Variants in BBS9 observed in about 807,000 individuals in gnomAD.
The protein encoded by BBS9 is protein PTHB1.
Under a neutral mutation model 117.7 loss-of-function variants are expected in BBS9, and 89 were observed. That is an observed-to-expected ratio of 0.76 (90% CI 0.64 to 0.90). BBS9 has a LOEUF of 0.90. BBS9 is among the 40% of genes least tolerant of loss of function. BBS9 has a pLI of 0.00. For synonymous variants in BBS9, 379 were observed against 370.9 expected (o/e 1.02, Z -0.25); for missense variants, 982 against 1,042.2 (o/e 0.94, Z 0.80).
At chr7:33,328,752 A>G (rs915541298) in intron 9 of BBS9, among the ~76,000 whole-genome samples, 11 of 152,178 alleles carry the variant, frequency 7.2e-5, no homozygotes, top group Non-Finnish European at 1.3e-4. Context: ...TTTTAAAACT[A>G]GTATTCTTTT....
intron 21 of BBS9, among the ~76,000 whole-genome samples, chr7:33,575,487 G>A (rs1858649664): frequency 6.6e-6 from 1 of 152,118 alleles, no homozygotes; most frequent in Non-Finnish European, 1.5e-5. Context: ...GTACAGAAAG[G>A]AGCTGTTACC....
chr7:33,504,148 GCA>G (rs1845830719), intron 19 of BBS9, among the ~76,000 whole-genome samples: 1 of 152,114 alleles, frequency 6.6e-6, no homozygotes, highest in African/African-American at 2.4e-5. Flanking sequence ...ACAGTACTAG[GCA>G]CATAGCAAGC....
intron 5 of BBS9, among the ~76,000 whole-genome samples, chr7:33,218,688 G>T (rs1318946434): frequency 6.6e-6 from 1 of 152,246 alleles, no homozygotes; most frequent in East Asian, 1.9e-4. Context: ...AGGAAGGAAA[G>T]AAACCAATAT....
intron 20 of BBS9, among the ~76,000 whole-genome samples, chr7:33,514,392 G>A (rs982264359): frequency 3.9e-5 from 6 of 152,114 alleles, no homozygotes; most frequent in African/African-American, 1.4e-4. Flanking sequence ...TGGTTCTTTA[G>A]TGCCTTTCTC....
At chr7:33,404,825 A>G (rs1434986322) in intron 19 of BBS9, among the ~76,000 whole-genome samples, 2 of 152,110 alleles carry the variant, frequency 1.3e-5, no homozygotes, top group South Asian at 2.1e-4. Flanking sequence ...TCCTAATTGA[A>G]TACCCTTTAT....
At chr7:33,193,778 A>G (rs1457579850) in intron 5 of BBS9, among the ~76,000 whole-genome samples, 2 of 151,924 alleles carry the variant, frequency 1.3e-5, no homozygotes, top group South Asian at 4.1e-4. Context: ...CTGTCACACT[A>G]CCTGGTTGGT....
At position 33,483,596 on chromosome 7, in the gene BBS9, A is replaced by T. The variant is rs80327594; in HGVS notation, c.2116-21867A>T. On this transcript the variant is annotated intron_variant, in intron 19 of 22. Transcript: ENST00000242067. ...TGAATTCAGTATCACGTGATATTTTATATTTGCTTTGGTTTAATAGATTCG... is the reference window on the plus strand; with the variant it reads ...TGAATTCAGTATCACGTGATATTTTTTATTTGCTTTGGTTTAATAGATTCG... 3.5e-3 allele frequency among the ~76,000 whole-genome samples: 530 copies of T among 151,564 alleles called. 2 individuals carry two copies. Among genetic ancestry groups the T allele is most frequent in the African/African-American group, 0.012 (499 of 41,252 alleles).
chr7:33,167,403 C>CTT (rs1202170784), intron 4 of BBS9, among the ~76,000 whole-genome samples: 10 of 134,232 alleles, frequency 7.4e-5, no homozygotes, highest in South Asian at 7.2e-4. Context: ...TCTGAGAATT[C>CTT]TTTTTTTTTT....
At chr7:33,357,613 A>G (rs1026082921) in intron 15 of BBS9, 8 of 555,218 alleles carry the variant, frequency 1.4e-5, no homozygotes, top group African/African-American at 1.3e-4. Flanking sequence ...ATATGATACT[A>G]TTAAAGACAG....
In BBS9 at chr7:33,476,558, T is replaced by C. The variant is rs984169304; in HGVS notation, c.2116-28905T>C. ...ACAAACCTGGACCCCTGGGCTGTGA[T>C]AGCTTTGTCTCCTCCCAGTATCCCT... On this transcript the variant is annotated intron_variant, in intron 19 of 22. Transcript: ENST00000242067. 3.9e-5 allele frequency among the ~76,000 whole-genome samples: 6 copies of C among 152,226 alleles called. No homozygotes were observed. The South Asian group carries it at 1.0e-3, about 26-fold the overall frequency.
At chr7:33,309,660 G>A (rs769398230) in intron 9 of BBS9, among the ~76,000 whole-genome samples, 4 of 152,154 alleles carry the variant, frequency 2.6e-5, no homozygotes, top group Admixed American at 6.5e-5. Flanking sequence ...TATGGTGACC[G>A]AGGTACATAG....
At chr7:33,299,284 C>A (rs1805895152) in intron 9 of BBS9, among the ~76,000 whole-genome samples, 2 of 152,000 alleles carry the variant, frequency 1.3e-5, no homozygotes, top group African/African-American at 4.8e-5. Context: ...CTTCAAATTA[C>A]CCTTATTTTT....
At chr7:33,365,820 C>T (rs1484248896) in intron 16 of BBS9, among the ~76,000 whole-genome samples, 1 of 152,204 alleles carries the variant, frequency 6.6e-6, no homozygotes, top group African/African-American at 2.4e-5. Flanking sequence ...GAGATGGGAG[C>T]ATGGATGTGT....
chr7:33,565,305 ATG>A (rs1856679751), intron 21 of BBS9, among the ~76,000 whole-genome samples: 1 of 151,858 alleles, frequency 6.6e-6, no homozygotes, highest in Non-Finnish European at 1.5e-5. Context: ...AGCCATTCCT[ATG>A]TTTGCTTACT....
chr7:33,149,773 G>A (rs1421035975), intron 2 of BBS9, among the ~76,000 whole-genome samples: 1 of 152,160 alleles, frequency 6.6e-6, no homozygotes, highest in Non-Finnish European at 1.5e-5. Flanking sequence ...TCTGAGATCT[G>A]GTTACTATAC....
chr7:33,584,329 T>C (rs889157078), intron 21 of BBS9, among the ~76,000 whole-genome samples: 2 of 152,064 alleles, frequency 1.3e-5, no homozygotes, highest in Non-Finnish European at 2.9e-5. Context: ...TTCTAAAATA[T>C]CTTATTATAC....
chr7:33,220,068 C>T (rs576325432), intron 5 of BBS9, among the ~76,000 whole-genome samples: 9 of 152,272 alleles, frequency 5.9e-5, no homozygotes, highest in African/African-American at 2.2e-4. Flanking sequence ...CGCGAGGGTC[C>T]GTGGCTTCAT....
chr7:33,232,210 T>C (rs1357839095), intron 5 of BBS9, among the ~76,000 whole-genome samples: 2 of 152,144 alleles, frequency 1.3e-5, no homozygotes, highest in Non-Finnish European at 2.9e-5. Flanking sequence ...GCAATACCAA[T>C]CTTTCTGATT....
chr7:33,261,298 AGCTCAGT>A (rs1414341440), intron 6 of BBS9, among the ~76,000 whole-genome samples: 2 of 152,176 alleles, frequency 1.3e-5, no homozygotes, highest in African/African-American at 4.8e-5. Flanking sequence ...TCCTTGACTA[AGCTCAGT>A]GCTCCTCGAT....
Sources: gnomAD v4.1 joint callset for allele counts (sites outside exome capture counted in the v4.1 genomes callset) on GRCh38, gnomAD v4.1.1 for gene constraint, MANE v1.5 for transcripts, NCBI Gene and HGNC (gene_info 2026-07-23, HGNC 2026-07-21) for gene names.